The following RHBDD1 variants were observed in gnomAD, a reference collection of about 807,000 sequenced individuals.
RHBDD1 encodes the protein rhomboid-related protein 4.
In RHBDD1, 38 loss-of-function variants were observed where a neutral mutation model predicts 36.3. The ratio of observed to expected loss-of-function variants is 1.05; its 90% CI spans 0.81 to 1.37. The LOEUF is 1.37. Ranked by LOEUF, RHBDD1 falls within the 40% of genes most tolerant of loss-of-function variation. The probability of loss-of-function intolerance (pLI) is 0.00; values close to 1 mark genes in which losing one functional copy is unlikely to be tolerated. For synonymous variants in RHBDD1, 151 were observed against 136.5 expected (o/e 1.11, Z -0.74); for missense variants, 393 against 377.6 (o/e 1.04, Z -0.34).
At chr2:226,917,270 A>G (rs1186896838) in intron 8 of RHBDD1, among the ~76,000 whole-genome samples, 1 of 152,052 alleles carries the variant, frequency 6.6e-6, no homozygotes, top group East Asian at 1.9e-4. Flanking sequence ...CTTATTCTTA[A>G]AAAAACTTCT....
intron 8 of RHBDD1, among the ~76,000 whole-genome samples, chr2:226,919,284 T>G (rs1175540097): frequency 6.6e-6 from 1 of 152,118 alleles, no homozygotes; most frequent in Non-Finnish European, 1.5e-5. Context: ...GTCTCTTCAC[T>G]TTGTTGATTG....
intron 3 of RHBDD1, among the ~76,000 whole-genome samples, chr2:226,862,584 T>G (rs2125204126): frequency 6.6e-6 from 1 of 152,334 alleles, no homozygotes; most frequent in Middle Eastern, 3.4e-3. Context: ...CTCCAAGCAC[T>G]TGATCCTTTT....
rs1171854661 is a variant in RHBDD1, at chr2:226,924,354, C to G, written c.856+10003C>G. Among the ~76,000 whole-genome samples the G allele has an allele frequency of 5.3e-5, 8 of 152,286 alleles. No homozygotes were observed. The South Asian group carries it at 1.5e-3, about 28-fold the overall frequency. The stretch of plus-strand genomic sequence containing the variant: ...GGGCCTCAGGACTCTGCTCGGTACC[C>G]TATCCTACTGTGGCTGAGCTGGTAT... On this transcript the variant is annotated intron_variant, in intron 8 of 8. Coordinates refer to ENST00000392062, the MANE Select transcript of RHBDD1 (RefSeq NM_001167608.3).
intron 8 of RHBDD1, among the ~76,000 whole-genome samples, chr2:226,959,894 C>T (rs1344287592): frequency 2.6e-5 from 4 of 152,086 alleles, no homozygotes; most frequent in Non-Finnish European, 5.9e-5. Context: ...GCGATCTCGG[C>T]TCACTGCAAC....
chr2:226,984,887 T>A (rs923728225), intron 8 of RHBDD1, among the ~76,000 whole-genome samples: 5 of 150,528 alleles, frequency 3.3e-5, no homozygotes, highest in African/African-American at 9.8e-5. Flanking sequence ...GATGGGCCTT[T>A]TATCTCACTT....
intron 5 of RHBDD1, among the ~76,000 whole-genome samples, chr2:226,880,581 C>G (rs16822844): frequency 0.31 from 47,017 of 151,988 alleles, 10,194 homozygotes; most frequent in African/African-American, 0.62. Flanking sequence ...AATCAACTCT[C>G]CCTTTGAAGT....
chr2:226,917,299 G>A (rs961020574), intron 8 of RHBDD1, among the ~76,000 whole-genome samples: 1 of 151,898 alleles, frequency 6.6e-6, no homozygotes, highest in South Asian at 2.1e-4. Flanking sequence ...TAACTCGAGA[G>A]TATACTGAAC....
At chr2:226,877,832 A>T (rs927537198) in intron 5 of RHBDD1, among the ~76,000 whole-genome samples, 5 of 152,196 alleles carry the variant, frequency 3.3e-5, no homozygotes. Flanking sequence ...ATTCCTAAAC[A>T]CCATGAATAT....
intron 8 of RHBDD1, among the ~76,000 whole-genome samples, chr2:226,983,821 T>C (rs2149468326): frequency 6.6e-6 from 1 of 152,336 alleles, no homozygotes; most frequent in Middle Eastern, 3.4e-3. Context: ...GCCATCTCTC[T>C]GGTTTGAAAC....
the RHBDD1 span, among the ~76,000 whole-genome samples, chr2:226,828,749 G>C: frequency 6.6e-6 from 1 of 152,068 alleles, no homozygotes; most frequent in Non-Finnish European, 1.5e-5. Flanking sequence ...CTTTTTAACT[G>C]AATTGTTTTC....
At chr2:226,951,762 A>C (rs1951440058) in intron 8 of RHBDD1, among the ~76,000 whole-genome samples, 1 of 152,220 alleles carries the variant, frequency 6.6e-6, no homozygotes, top group African/African-American at 2.4e-5. Context: ...GATACAGCTC[A>C]TGTCAAGAAC....
At chr2:226,853,801 G>A (rs1943063788) in intron 3 of RHBDD1, among the ~76,000 whole-genome samples, 1 of 152,210 alleles carries the variant, frequency 6.6e-6, no homozygotes, top group South Asian at 2.1e-4. Flanking sequence ...ACGTTGGACA[G>A]AGAAAGTGAA....
At chr2:226,937,245 T>C (rs1317387549) in intron 8 of RHBDD1, among the ~76,000 whole-genome samples, 1 of 152,166 alleles carries the variant, frequency 6.6e-6, no homozygotes, top group Non-Finnish European at 1.5e-5. Context: ...ATCAATCTTA[T>C]GTTCTCATTC....
At chr2:226,975,668 C>G (rs904424207) in intron 8 of RHBDD1, among the ~76,000 whole-genome samples, 1 of 152,132 alleles carries the variant, frequency 6.6e-6, no homozygotes, top group Non-Finnish European at 1.5e-5. Context: ...TTTCTACATG[C>G]AGAAGGAACT....
chr2:226,805,167 T>G, the RHBDD1 span: 1 of 152,372 alleles, frequency 6.6e-6, no homozygotes, highest in Non-Finnish European at 1.5e-5. Flanking sequence ...ATGTTTTTGG[T>G]CATTTAATCC....
intron 8 of RHBDD1, among the ~76,000 whole-genome samples, chr2:226,984,886 T>C (rs1956581710): frequency 6.6e-6 from 1 of 150,708 alleles, no homozygotes; most frequent in South Asian, 2.1e-4. Flanking sequence ...AGATGGGCCT[T>C]TTATCTCACT....
chr2:226,883,439 A>G (rs1437882880), intron 5 of RHBDD1, among the ~76,000 whole-genome samples: 1 of 152,244 alleles, frequency 6.6e-6, no homozygotes, highest in Admixed American at 6.5e-5. Flanking sequence ...CATTAGTCAG[A>G]CCTTGTTTAG....
the RHBDD1 span, among the ~76,000 whole-genome samples, chr2:226,812,239 TA>T: frequency 2.6e-5 from 4 of 152,120 alleles, no homozygotes; most frequent in Admixed American, 6.5e-5. Context: ...AAACTGACTT[TA>T]AAAAAATGGA....
rs1944178992 is a variant in RHBDD1 at position 226,864,756 on chromosome 2, T to C, written c.63T>C (p.His21=). The change falls in exon 4 of 9, where the codon CAT becomes CAC. Residue 21 remains histidine, a synonymous_variant. Coordinates refer to ENST00000392062, the MANE Select transcript of RHBDD1 (RefSeq NM_001167608.3). Reference sequence around the variant, plus strand: ...TTCTACTCCTTTCTCAAATCTTCCATGTTGGGATCAACAATATTCCACCTG... The same window carrying C: ...TTCTACTCCTTTCTCAAATCTTCCACGTTGGGATCAACAATATTCCACCTG... ...GLILLLSQIF[H]VGINNIPPVT... 1 of 1,614,220 alleles carries C rather than the reference T, an allele frequency of 6.2e-7. No homozygotes were observed. Among genetic ancestry groups the C allele is most frequent in the African/African-American group, 1.3e-5 (1 of 75,056 alleles).
Sources: allele counts gnomAD v4.1 joint callset (sites outside exome capture counted in the v4.1 genomes callset), GRCh38; gene constraint gnomAD v4.1.1; transcripts MANE v1.5; gene names NCBI Gene and HGNC (gene_info 2026-07-23, HGNC 2026-07-21).